The following DCUN1D2 variants were observed in gnomAD, a reference collection of about 807,000 sequenced individuals.
DCUN1D2 encodes the protein DCN1-like protein 2.
In DCUN1D2, 29 loss-of-function variants were observed where a neutral mutation model predicts 30.9. The ratio of observed to expected loss-of-function variants is 0.94; its 90% CI spans 0.70 to 1.28. The LOEUF (loss-of-function observed/expected upper bound fraction) is 1.28. Among genes scored for constraint, DCUN1D2 ranks in the 50% most tolerant of loss-of-function variants. The pLI is 0.00. For missense variants in DCUN1D2, 325 were observed against 316.9 expected (o/e 1.03, Z -0.19); for synonymous variants, 121 against 115.3 (o/e 1.05, Z -0.32).
chr13:113,472,413 C>T (rs764646161), intron 4 of DCUN1D2, among the ~76,000 whole-genome samples: 59 of 152,318 alleles, frequency 3.9e-4, no homozygotes, highest in Non-Finnish European at 7.5e-4. Flanking sequence ...GGAGAAAAAG[C>T]GAATACAGGT....
In DCUN1D2 at chr13:113,483,868, C is replaced by T. The variant is rs2044753849; in HGVS notation, c.192G>A (p.Lys64=). The change falls in exon 2 of 7, where the codon AAG becomes AAA. Residue 64 remains lysine, a synonymous_variant. Coordinates refer to ENST00000478244, the MANE Select transcript of DCUN1D2 (RefSeq NM_001014283.2). ...TGTACCTGCCGTACAGCCGCTCCAG[C>T]TTCTTCTTGTCCACAGCGTTCCGCA... The part of the protein sequence containing the change: ...ESMRNAVDKK[K]LERLYGRYKD... The T allele has an allele frequency of 1.2e-6, 2 of 1,612,758 alleles. No individual in the cohort carries two copies. Among genetic ancestry groups the T allele is most frequent in the Admixed American group, 3.3e-5 (2 of 59,986 alleles).
At chr13:113,462,682 A>G in intron 4 of DCUN1D2, 1 of 912,308 alleles carries the variant, frequency 1.1e-6, no homozygotes. Flanking sequence ...ATCAGAAAGA[A>G]AGAGAGAGTC....
intron 2 of DCUN1D2, among the ~76,000 whole-genome samples, chr13:113,482,728 A>T (rs1044875533): frequency 6.6e-6 from 1 of 152,220 alleles, no homozygotes; most frequent in African/African-American, 2.4e-5. Flanking sequence ...GTGGATCATG[A>T]GGTCAAGAGA....
intron 4 of DCUN1D2, among the ~76,000 whole-genome samples, chr13:113,470,344 A>G (rs1183330218): frequency 6.6e-6 from 1 of 152,244 alleles, no homozygotes; most frequent in Non-Finnish European, 1.5e-5. Context: ...GAGACTGCCT[A>G]ACAATGCATT....
At chr13:113,483,725 A>AG in intron 2 of DCUN1D2, 115 bp downstream of exon 2, 1 of 952,832 alleles carries the variant, frequency 1.0e-6, no homozygotes, top group Non-Finnish European at 1.6e-6. Context: ...GAGCGTGGGG[A>AG]GGAGAAGCAA....
At chr13:113,470,489 C>T (rs531112280) in intron 4 of DCUN1D2, among the ~76,000 whole-genome samples, 4 of 152,278 alleles carry the variant, frequency 2.6e-5, no homozygotes, top group African/African-American at 7.2e-5. Flanking sequence ...GAGAAAGCAA[C>T]GCACACTGCC....
chr13:113,459,033 G>C (rs1446121968), intron 6 of DCUN1D2, among the ~76,000 whole-genome samples: 2 of 152,234 alleles, frequency 1.3e-5, no homozygotes, highest in African/African-American at 2.4e-5. Flanking sequence ...TCTGGGAGTG[G>C]TGGTTTCCCA....
chr13:113,480,753 A>G lies in DCUN1D2; in HGVS notation c.221-10T>C. On this transcript the variant is annotated splice_polypyrimidine_tract_variant and intron_variant, in intron 2 of 6. Coordinates refer to ENST00000478244, the MANE Select transcript of DCUN1D2 (RefSeq NM_001014283.2). ...TTTTCATCTTGTGGATCTGTAGTTA[A>G]TATCAGGGGAAAAGGAAGTTATACT... 2 of 1,612,574 alleles carry G rather than the reference A, an allele frequency of 1.2e-6. No homozygotes were observed. The highest frequency in any genetic ancestry group is 8.5e-7 in the Non-Finnish European group (1 of 1,179,618).
At chr13:113,463,421 G>C (rs1674033533) in intron 4 of DCUN1D2, among the ~76,000 whole-genome samples, 1 of 152,022 alleles carries the variant, frequency 6.6e-6, no homozygotes, top group African/African-American at 2.4e-5. Context: ...GCCGGGCACA[G>C]TGGCTCACAC....
At chr13:113,489,205 C>T in intron 1 of DCUN1D2, 1 of 938,058 alleles carries the variant, frequency 1.1e-6, no homozygotes, top group Non-Finnish European at 1.3e-6. Flanking sequence ...TTCATCCCTG[C>T]TCTTGGATCT....
upstream of DCUN1D2, chr13:113,490,785 G>A (rs1314647510): frequency 4.0e-6 from 4 of 1,004,248 alleles, no homozygotes; most frequent in Non-Finnish European, 4.9e-6. This position sits in a 1 kb window ranked among gnomAD's most constrained non-coding sequence, Gnocchi z 5.2. Flanking sequence ...GCCGGGAGCC[G>A]GCCGCGGGGA....
chr13:113,472,219 T>C (rs1466691900), intron 4 of DCUN1D2, among the ~76,000 whole-genome samples: 1 of 151,896 alleles, frequency 6.6e-6, no homozygotes. Flanking sequence ...ACAGCTGCAA[T>C]ACAGACAAGC....
At chr13:113,481,436 C>A (rs78613277) in intron 2 of DCUN1D2, among the ~76,000 whole-genome samples, 7 of 152,130 alleles carry the variant, frequency 4.6e-5, no homozygotes, top group Non-Finnish European at 4.4e-5. Flanking sequence ...TATCATAATG[C>A]GTAGGTAAAT....
intron 4 of DCUN1D2, among the ~76,000 whole-genome samples, chr13:113,463,460 G>A (rs776987042): frequency 2.6e-5 from 4 of 151,842 alleles, no homozygotes; most frequent in Admixed American, 6.6e-5. Flanking sequence ...AGGAGGCCGC[G>A]GCAGGAGGAT....
chr13:113,490,735 C>G (rs1037972644), upstream of DCUN1D2: 4 of 1,172,252 alleles, frequency 3.4e-6, no homozygotes, highest in African/African-American at 1.6e-5. The surrounding 1 kb of genome is among the most constrained non-coding windows in gnomAD (Gnocchi z 5.2). Flanking sequence ...CGGCTCCGCC[C>G]TCGTCCTCGG....
In DCUN1D2 at chr13:113,490,613, G is replaced by T; in HGVS notation, c.3+54C>A. ...CAGCGCGCCGCCTGCGCCGACCTTGGGGCCCGACCCCGACCCCGACCCCGA... is the reference window on the plus strand; with the variant it reads ...CAGCGCGCCGCCTGCGCCGACCTTGTGGCCCGACCCCGACCCCGACCCCGA... On this transcript the variant is annotated intron_variant, in intron 1 of 6. Transcript: ENST00000478244. The surrounding 1 kb of genome is among the most constrained non-coding windows in gnomAD (Gnocchi z 5.2). 3.3e-6 allele frequency: 4 copies of T among 1,219,390 alleles called. No individual in the cohort carries two copies. The highest frequency in any genetic ancestry group is 4.1e-6 in the Non-Finnish European group (4 of 979,790). The allele number at this position is 1,219,390 out of a possible 1,614,324, so 75.5% of individuals were successfully genotyped here.
chr13:113,462,088 A>G (rs956114387), intron 4 of DCUN1D2, among the ~76,000 whole-genome samples: 4 of 152,032 alleles, frequency 2.6e-5, no homozygotes, highest in South Asian at 2.1e-4. Flanking sequence ...CCCCGTCTCT[A>G]CTAAAAATAC....
chr13:113,483,564 C>T (rs1483480909), intron 2 of DCUN1D2, among the ~76,000 whole-genome samples: 1 of 152,222 alleles, frequency 6.6e-6, no homozygotes, highest in African/African-American at 2.4e-5. Flanking sequence ...GGCTGTGCAG[C>T]GTCAGACTCA....
In DCUN1D2 at chr13:113,471,345, AGACCCAACTCCACAGGG is replaced by A. The variant is rs1281712312; in HGVS notation, c.520+2762_520+2778del. Among the ~76,000 whole-genome samples the A allele has an allele frequency of 5.9e-4, 82 of 140,060 alleles. 1 individual carries two copies. Among genetic ancestry groups the A allele is most frequent in the African/African-American group, 1.6e-3 (62 of 37,878 alleles). 91.9% of individuals were successfully genotyped at this position (140,060 alleles called of 152,430 possible). A position where few individuals can be genotyped will look rare whatever the true frequency, so the allele number is the denominator to read the frequency against. On this transcript the variant is annotated intron_variant, in intron 4 of 6. Coordinates refer to ENST00000478244, the MANE Select transcript of DCUN1D2 (RefSeq NM_001014283.2). ...TCCACAGGGGACCCAACTCCATAGA[AGACCCAACTCCACAGGG>A]GACCCAACTCCACAGGGGACCCAAC...
Sources: gnomAD v4.1 joint callset for allele counts (sites outside exome capture counted in the v4.1 genomes callset) on GRCh38, gnomAD v4.1.1 for gene constraint, Gnocchi (gnomAD v3.1) non-coding constraint, MANE v1.5 for transcripts, NCBI Gene and HGNC (gene_info 2026-07-23, HGNC 2026-07-21) for gene names.